Variants in NACC1 observed in about 807,000 individuals in gnomAD.
The protein encoded by NACC1 is nucleus accumbens associated 1.
A neutral mutation model predicts 41.7 loss-of-function variants in NACC1; 6 were observed. The observed-to-expected ratio is 0.14, with a 90% CI of 0.08 to 0.28. The LOEUF (loss-of-function observed/expected upper bound fraction) is 0.28, where lower values mean the gene tolerates loss of function less well. Among genes scored for constraint, NACC1 ranks in the 10% least tolerant of loss-of-function variants. The pLI is 1.00. For synonymous variants in NACC1, 338 were observed against 330.6 expected (o/e 1.02, Z -0.24); for missense variants, 434 against 763.7 (o/e 0.57, Z 5.09).
At chr19:13,134,295 A>G (rs2019670939) in intron 1 of NACC1, among the ~76,000 whole-genome samples, 1 of 151,902 alleles carries the variant, frequency 6.6e-6, no homozygotes, top group Admixed American at 6.6e-5. Flanking sequence ...CCTAGGCTCA[A>G]GTGATCCACA....
intron 1 of NACC1, among the ~76,000 whole-genome samples, chr19:13,130,976 G>A (rs1464161550): frequency 3.9e-5 from 6 of 152,110 alleles, no homozygotes; most frequent in Admixed American, 3.9e-4. Flanking sequence ...AGCTACACCA[G>A]CTTTCTTTGG....
chr19:13,138,456 C>T lies in NACC1; in HGVS notation c.*50C>T. The T allele has an allele frequency of 6.3e-7, 1 of 1,589,436 alleles. No homozygotes were observed. ...CACACTTCCCCTCCCAACACACACA[C>T]ACACCTGCCATCTTGGTCATGAGCT... On this transcript the variant is annotated 3_prime_UTR_variant, in exon 6 of 6. Transcript: ENST00000292431. This position sits in a 1 kb window ranked among gnomAD's most constrained non-coding sequence, Gnocchi z 5.7.
chr19:13,120,826 G>T (rs768887750), intron 1 of NACC1, among the ~76,000 whole-genome samples: 4 of 152,240 alleles, frequency 2.6e-5, no homozygotes, highest in Admixed American at 6.5e-5. Context: ...TCCGGTTTGT[G>T]CCTAGAGGTA....
intron 1 of NACC1, among the ~76,000 whole-genome samples, chr19:13,118,826 C>T: frequency 8.1e-6 from 1 of 123,756 alleles, no homozygotes; most frequent in African/African-American, 3.1e-5. Context: ...GAGTCGGGCT[C>T]CGGCCAGGCC....
intron 1 of NACC1, among the ~76,000 whole-genome samples, chr19:13,128,593 C>G (rs530334442): frequency 1.3e-5 from 2 of 152,346 alleles, no homozygotes; most frequent in South Asian, 2.1e-4. Context: ...GGGCCACACT[C>G]CCCATCCACT....
chr19:13,121,870 C>T (rs747361338), intron 1 of NACC1, among the ~76,000 whole-genome samples: 1 of 152,226 alleles, frequency 6.6e-6, no homozygotes, highest in Admixed American at 6.5e-5. Flanking sequence ...TGCCTGTTAT[C>T]ATCATTTGAC....
At chr19:13,120,021 C>G (rs1184492139) in intron 1 of NACC1, among the ~76,000 whole-genome samples, 1 of 152,220 alleles carries the variant, frequency 6.6e-6, no homozygotes, top group Non-Finnish European at 1.5e-5. Context: ...AGGAGGGTGA[C>G]TGAAGGAGCT....
chr19:13,124,593 C>G (rs950864002), intron 1 of NACC1, among the ~76,000 whole-genome samples: 4 of 152,100 alleles, frequency 2.6e-5, no homozygotes, highest in Admixed American at 6.5e-5. Context: ...ACATTCAGCC[C>G]CTACAGAGGG....
intron 1 of NACC1, among the ~76,000 whole-genome samples, chr19:13,129,916 T>TA (rs34106415): frequency 0.25 from 36,126 of 146,780 alleles, 4,604 homozygotes; most frequent in African/African-American, 0.27. Flanking sequence ...ACCCTGTCTT[T>TA]AAAAAAAAAA....
At chr19:13,124,995 G>A (rs1432876872) in intron 1 of NACC1, among the ~76,000 whole-genome samples, 1 of 151,924 alleles carries the variant, frequency 6.6e-6, no homozygotes, top group Non-Finnish European at 1.5e-5. Flanking sequence ...TCTCGTCTTT[G>A]CAAAAAATTG....
intron 1 of NACC1, among the ~76,000 whole-genome samples, chr19:13,128,417 C>T (rs1167019018): frequency 6.6e-6 from 1 of 152,186 alleles, no homozygotes; most frequent in Non-Finnish European, 1.5e-5. Context: ...TTAATACCAC[C>T]GTTATGACCT....
chr19:13,137,411 G>T lies in NACC1; in HGVS notation c.1226+35G>T. The T allele has an allele frequency of 6.4e-7, 1 of 1,552,986 alleles. No individual in the cohort carries two copies. On this transcript the variant is annotated intron_variant, in intron 4 of 5. Coordinates refer to ENST00000292431, the MANE Select transcript of NACC1 (RefSeq NM_052876.4). This position sits in a 1 kb window ranked among gnomAD's most constrained non-coding sequence, Gnocchi z 6.1. ...TTGCCAGAGCCCCAGGGAGGGGGGT[G>T]GGGTTTCCCCATGTCCCCCCCACCA...
In NACC1 at chr19:13,136,552, G is replaced by T. The variant is rs2145624764; in HGVS notation, c.1120+147G>T. The T allele has an allele frequency of 1.0e-5, 10 of 968,090 alleles. No individual in the cohort carries two copies. Among genetic ancestry groups the T allele is most frequent in the East Asian group, 2.7e-5 (1 of 37,160 alleles). The allele number at this position is 968,090 out of a possible 1,614,324, so 60.0% of individuals were successfully genotyped here. ...TGGTAACAGCCACCCTAAGGGTGGG[G>T]GCGTTGGTGAGATGGAGGAGCTGAT... On this transcript the variant is annotated intron_variant, in intron 3 of 5. Transcript: ENST00000292431. This position sits in a 1 kb window ranked among gnomAD's most constrained non-coding sequence, Gnocchi z 5.5.
chr19:13,134,807 C>T (rs906457040), intron 1 of NACC1, among the ~76,000 whole-genome samples: 5 of 152,214 alleles, frequency 3.3e-5, no homozygotes, highest in Non-Finnish European at 5.9e-5. Context: ...TGAAGAGATA[C>T]CATATATGTA....
At chr19:13,132,267 T>G (rs1247010069) in intron 1 of NACC1, 2 of 152,000 alleles carry the variant, frequency 1.3e-5, no homozygotes, top group Non-Finnish European at 2.9e-5. Flanking sequence ...AGTACAAAAA[T>G]TAGCCGGACA....
chr19:13,123,435 G>A (rs1043844498), intron 1 of NACC1, among the ~76,000 whole-genome samples: 1 of 152,194 alleles, frequency 6.6e-6, no homozygotes, highest in Non-Finnish European at 1.5e-5. Flanking sequence ...CGAGGGCTGC[G>A]AGGAGGAGCG....
At chr19:13,124,393 G>A (rs1237312493) in intron 1 of NACC1, among the ~76,000 whole-genome samples, 1 of 151,694 alleles carries the variant, frequency 6.6e-6, no homozygotes, top group Non-Finnish European at 1.5e-5. Flanking sequence ...GAGGAAGACT[G>A]TCTCAACAAA....
chr19:13,135,886 G>C lies in NACC1; in HGVS notation c.679G>C (p.Val227Leu). The stretch of plus-strand genomic sequence containing the variant: ...GCCCCCGCCACCCCAACAGGCTCCG[G>C]TGGTGGCAGCAGCCCAGCCCGCCGT... ...HQPPPPQQAP[V>L]VAAAQPAVAA... is the part of the protein sequence containing the mutation. Residue 227 changes from valine to leucine, a missense_variant, in exon 2 of 6, where the codon GTG (valine) becomes CTG (leucine). Physicochemically the swap from Val to Leu is conservative, Grantham distance 32 (BLOSUM62 1). Around this residue, in one of 4 missense-constraint regions of NACC1, gnomAD observed 234 missense variants for 308.3 expected, o/e 0.76. Transcript: ENST00000292431. 1 of 1,559,210 alleles carries C rather than the reference G, an allele frequency of 6.4e-7. No homozygotes were observed. Among genetic ancestry groups the C allele is most frequent in the Non-Finnish European group, 8.7e-7 (1 of 1,154,296 alleles).
chr19:13,138,460 C>T lies in NACC1; in HGVS notation c.*54C>T. ...CTTCCCCTCCCAACACACACACACA[C>T]CTGCCATCTTGGTCATGAGCTACTG... On this transcript the variant is annotated 3_prime_UTR_variant, in exon 6 of 6. Coordinates refer to ENST00000292431, the MANE Select transcript of NACC1 (RefSeq NM_052876.4). The surrounding 1 kb of genome is among the most constrained non-coding windows in gnomAD (Gnocchi z 5.7). 6.3e-7 allele frequency: 1 copy of T among 1,585,070 alleles called. No homozygotes were observed. Among genetic ancestry groups the T allele is most frequent in the South Asian group, 1.1e-5 (1 of 89,578 alleles).
Sources: gnomAD v4.1 joint callset for allele counts (sites outside exome capture counted in the v4.1 genomes callset) on GRCh38, gnomAD v4.1.1 for gene constraint, gnomAD v4.1.1 regional missense constraint, Gnocchi (gnomAD v3.1) non-coding constraint, MANE v1.5 for transcripts, NCBI Gene and HGNC (gene_info 2026-07-23, HGNC 2026-07-21) for gene names.